The following DNAJC13 variants were observed in gnomAD, a reference collection of about 807,000 sequenced individuals.
DNAJC13 encodes the protein DnaJ heat shock protein family (Hsp40) member C13, also known as dnaJ homolog subfamily C member 13.
Under a neutral mutation model 290.5 loss-of-function variants are expected in DNAJC13, and 75 were observed. The ratio of observed to expected loss-of-function variants is 0.26; its 90% CI spans 0.21 to 0.31. DNAJC13 has a LOEUF of 0.31. Among genes scored for constraint, DNAJC13 ranks in the 10% least tolerant of loss-of-function variants. The pLI, the probability that DNAJC13 is intolerant of heterozygous loss-of-function variation, is 1.00. For missense variants in DNAJC13, 2,260 were observed against 2,674.5 expected, an observed-to-expected ratio of 0.85 and a Z score of 3.42; for synonymous variants, 862 against 892.0, an observed-to-expected ratio of 0.97 and a Z score of 0.60.
chr3:132,420,219 G>A (rs1938915965), intron 1 of DNAJC13, among the ~76,000 whole-genome samples: 1 of 152,204 alleles, frequency 6.6e-6, no homozygotes, highest in Non-Finnish European at 1.5e-5. Flanking sequence ...AGACTGGAAA[G>A]AACCCTGGGT....
chr3:132,469,585 G>T (rs988713748), intron 20 of DNAJC13, among the ~76,000 whole-genome samples: 3 of 152,138 alleles, frequency 2.0e-5, no homozygotes, highest in Admixed American at 1.3e-4. Context: ...TGTCCTGGCG[G>T]GGAGGAGGGA....
chr3:132,534,187 C>T (rs932905929), intron 55 of DNAJC13, among the ~76,000 whole-genome samples: 2 of 152,114 alleles, frequency 1.3e-5, no homozygotes, highest in African/African-American at 4.8e-5. Context: ...ATGAGTCTTC[C>T]AGAAGGCCAT....
At chr3:132,475,254 T>TA (rs1190156857) in intron 22 of DNAJC13, among the ~76,000 whole-genome samples, 169 bp downstream of exon 22, 2 of 152,108 alleles carry the variant, frequency 1.3e-5, no homozygotes, top group Admixed American at 6.5e-5. Flanking sequence ...CAGACAAAAA[T>TA]AAAAAAATTT....
chr3:132,524,624 CTGAG>C (rs1936194131), intron 51 of DNAJC13, among the ~76,000 whole-genome samples: 1 of 152,342 alleles, frequency 6.6e-6, no homozygotes, highest in Admixed American at 6.5e-5. Flanking sequence ...GATTAGCTTG[CTGAG>C]TATTTACCAG....
chr3:132,453,167 T>G, intron 6 of DNAJC13, 131 bp from the exon 7 acceptor site: 2 of 709,848 alleles, frequency 2.8e-6, no homozygotes, highest in Non-Finnish European at 4.5e-6. Context: ...AAACAACTGC[T>G]TATTTGCCTC....
chr3:132,480,515 T>C (rs1000617551), intron 26 of DNAJC13, 45 bp downstream of exon 26: 4 of 1,420,922 alleles, frequency 2.8e-6, no homozygotes, highest in African/African-American at 1.4e-5. Flanking sequence ...GTTCTTTGAG[T>C]ATAATTTTAG....
At chr3:132,431,971 AC>A (rs1205202051) in intron 1 of DNAJC13, among the ~76,000 whole-genome samples, 1 of 152,142 alleles carries the variant, frequency 6.6e-6, no homozygotes, top group Non-Finnish European at 1.5e-5. Context: ...ACTAAAAATC[AC>A]CAAATTGTAT....
intron 1 of DNAJC13, among the ~76,000 whole-genome samples, chr3:132,418,065 C>G (rs945959448): frequency 6.6e-6 from 1 of 152,124 alleles, no homozygotes; most frequent in South Asian, 2.1e-4. Context: ...CCCACAGGCT[C>G]TTCATTCCCT....
chr3:132,484,779 C>T (rs1465347683), intron 29 of DNAJC13, 107 bp downstream of exon 29: 1 of 1,016,766 alleles, frequency 9.8e-7, no homozygotes, highest in Non-Finnish European at 1.5e-6. Flanking sequence ...TTTCAAAAAG[C>T]CTAAATAGGC....
chr3:132,467,102 A>G (rs1168030200), intron 19 of DNAJC13, 68 bp from the exon 20 acceptor site: 2 of 1,499,522 alleles, frequency 1.3e-6, no homozygotes, highest in Non-Finnish European at 1.8e-6. Flanking sequence ...AGAATGACTC[A>G]GCTTTACATA....
At chr3:132,470,004 T>G (rs1934141854) in intron 20 of DNAJC13, among the ~76,000 whole-genome samples, 1 of 127,450 alleles carries the variant, frequency 7.8e-6, no homozygotes, top group Non-Finnish European at 1.6e-5. Context: ...ATTTATTTTT[T>G]TATTGATAAT....
intron 25 of DNAJC13, among the ~76,000 whole-genome samples, chr3:132,480,008 T>A (rs1934615041): frequency 6.6e-6 from 1 of 152,184 alleles, no homozygotes; most frequent in Admixed American, 6.5e-5. Flanking sequence ...ATTAAAAGAT[T>A]TTTTAATATA....
chr3:132,443,920 C>A (rs1933154812), intron 2 of DNAJC13, among the ~76,000 whole-genome samples: 2 of 152,190 alleles, frequency 1.3e-5, no homozygotes, highest in African/African-American at 2.4e-5. Context: ...CCGCTAACTA[C>A]ATGTGGCTAT....
rs148076206 is a variant in DNAJC13 at position 132,525,069 on chromosome 3, G to A, written c.6061-541G>A. 7.0e-3 allele frequency among the ~76,000 whole-genome samples: 1,060 copies of A among 152,188 alleles called. 12 individuals are homozygous for A. Among genetic ancestry groups the A allele is most frequent in the African/African-American group, 0.024 (1,007 of 41,506 alleles). On this transcript the variant is annotated intron_variant, in intron 51 of 55. Transcript: ENST00000260818. ...TAAACCTGCAATAGAGGCTGGGCGCGGTGGCTCACGCCTGTAATACCAGCA... is the reference window on the plus strand; with the variant it reads ...TAAACCTGCAATAGAGGCTGGGCGCAGTGGCTCACGCCTGTAATACCAGCA...
intron 35 of DNAJC13, 147 bp from the exon 36 acceptor site, chr3:132,496,381 C>A: frequency 1.4e-6 from 1 of 694,058 alleles, no homozygotes; most frequent in Non-Finnish European, 2.2e-6. Flanking sequence ...AACAGTATAC[C>A]AGCTAGATTA....
chr3:132,514,734 A>G (rs1052573439), intron 46 of DNAJC13, 64 bp downstream of exon 46: 12 of 1,185,444 alleles, frequency 1.0e-5, no homozygotes, highest in South Asian at 2.6e-5. Flanking sequence ...GAGTTGTTGC[A>G]TAGTTGATAC....
chr3:132,447,570 C>A, intron 4 of DNAJC13, 100 bp downstream of exon 4: 1 of 1,181,128 alleles, frequency 8.5e-7, no homozygotes, highest in Non-Finnish European at 1.1e-6. Context: ...TGCCCCTGTA[C>A]CCACTATGAT....
At chr3:132,446,704 G>A (rs144075129) in intron 3 of DNAJC13, among the ~76,000 whole-genome samples, 154 bp downstream of exon 3, 2 of 151,330 alleles carry the variant, frequency 1.3e-5, no homozygotes, top group East Asian at 3.9e-4. Flanking sequence ...TCTGATTTGG[G>A]GACCAAAAAT....
At chr3:132,457,577 C>A (rs1057250721) in intron 13 of DNAJC13, 1 of 493,666 alleles carries the variant, frequency 2.0e-6, no homozygotes. Context: ...GACAGAAGTT[C>A]TTTTCTTCCT....
Sources: allele counts gnomAD v4.1 joint callset (sites outside exome capture counted in the v4.1 genomes callset), GRCh38; gene constraint gnomAD v4.1.1; transcripts MANE v1.5; gene names NCBI Gene and HGNC (gene_info 2026-07-23, HGNC 2026-07-21).